KANSL1: variants seen among roughly 807,000 people sequenced by gnomAD.
The protein encoded by KANSL1 is KAT8 regulatory NSL complex subunit 1.
KANSL1 carries 22 observed loss-of-function variants against 103.6 expected under a neutral mutation model. The observed-to-expected ratio is 0.21, with a 90% CI of 0.15 to 0.30. The LOEUF (loss-of-function observed/expected upper bound fraction) is 0.30. KANSL1 is among the 10% of genes least tolerant of loss of function. The pLI is 1.00. For synonymous variants in KANSL1, 600 were observed against 527.6 expected (o/e 1.14, Z -1.88); for missense variants, 1,337 against 1,399.8 (o/e 0.96, Z 0.72).
chr17:46,052,963 C>CAA lies in KANSL1; in HGVS notation c.1849-2260_1849-2259insTT, dbSNP rs2077769956. Among the ~76,000 whole-genome samples, 13 of 43,162 alleles carry CAA rather than the reference C, an allele frequency of 3.0e-4. 2 individuals carry two copies. The highest frequency in any genetic ancestry group is 1.2e-3 in the African/African-American group (12 of 9,826). The allele number at this position is 43,162 out of a possible 152,430, so 28.3% of individuals were successfully genotyped here. The stretch of plus-strand genomic sequence containing the variant: ...TGGGAAAAAGAGTAAGATCCTGTCT[C>CAA]CAAAAAAAAAAAAAAAAAAAAAAAA... On this transcript the variant is annotated intron_variant, in intron 6 of 14. Coordinates refer to ENST00000432791, the MANE Select transcript of KANSL1 (RefSeq NM_015443.4).
intron 2 of KANSL1, among the ~76,000 whole-genome samples, chr17:46,124,257 A>G (rs1443154512): frequency 6.6e-6 from 1 of 152,234 alleles, no homozygotes; most frequent in Middle Eastern, 3.2e-3. Context: ...AAAACAAATT[A>G]TGCTACATTT....
intron 1 of KANSL1, among the ~76,000 whole-genome samples, chr17:46,181,493 G>A (rs1232197961): frequency 6.6e-6 from 1 of 151,826 alleles, no homozygotes; most frequent in African/African-American, 2.4e-5. Context: ...GCGATGGCGC[G>A]ATCTCCGCTC....
chr17:46,148,810 G>A (rs1217733750), intron 2 of KANSL1, among the ~76,000 whole-genome samples: 2 of 150,358 alleles, frequency 1.3e-5, no homozygotes, highest in African/African-American at 2.4e-5. Flanking sequence ...GGTCTGGAAC[G>A]CCTGATCTCA....
intron 1 of KANSL1, among the ~76,000 whole-genome samples, chr17:46,180,884 T>C (rs1253326359): frequency 6.6e-6 from 1 of 152,170 alleles, no homozygotes; most frequent in African/African-American, 2.4e-5. Context: ...TATATATGTA[T>C]ATGTATATAT....
At chr17:46,216,088 T>C (rs1247221819) in intron 1 of KANSL1, among the ~76,000 whole-genome samples, 4 of 151,976 alleles carry the variant, frequency 2.6e-5, no homozygotes, top group Non-Finnish European at 5.9e-5. Context: ...CCATAGGACA[T>C]CCAAGTAGAG....
At chr17:46,075,077 A>C (rs1033053194) in intron 4 of KANSL1, among the ~76,000 whole-genome samples, 5 of 152,218 alleles carry the variant, frequency 3.3e-5, no homozygotes, top group Non-Finnish European at 2.9e-5. Flanking sequence ...GAAATACAAA[A>C]ACTGAGAACT....
intron 2 of KANSL1, among the ~76,000 whole-genome samples, chr17:46,167,159 T>C (rs1014049976): frequency 3.3e-5 from 5 of 150,536 alleles, no homozygotes; most frequent in African/African-American, 9.8e-5. Flanking sequence ...GGAAAAAAAA[T>C]ATTATTTTAA....
chr17:46,174,621 G>C (rs994016822), intron 1 of KANSL1, among the ~76,000 whole-genome samples: 2 of 152,244 alleles, frequency 1.3e-5, no homozygotes, highest in Non-Finnish European at 2.9e-5. Context: ...AATGTCCAGT[G>C]AATGTCAGGA....
At chr17:46,128,863 A>G (rs1392516225) in intron 2 of KANSL1, among the ~76,000 whole-genome samples, 1 of 152,180 alleles carries the variant, frequency 6.6e-6, no homozygotes, top group South Asian at 2.1e-4. Flanking sequence ...GCCTTTGAAG[A>G]ACTTTGAGGA....
intron 1 of KANSL1, among the ~76,000 whole-genome samples, chr17:46,188,041 T>C (rs2047112361): frequency 6.6e-6 from 1 of 152,256 alleles, no homozygotes; most frequent in Non-Finnish European, 1.5e-5. Context: ...TATTTTCTCC[T>C]ATGTATTTTG....
chr17:46,054,442 A>G (rs896490501), intron 6 of KANSL1, among the ~76,000 whole-genome samples: 2 of 152,160 alleles, frequency 1.3e-5, no homozygotes, highest in Admixed American at 1.3e-4. Flanking sequence ...CTTTTCTCAA[A>G]TGGGTTTCTT....
chr17:46,035,789 C>T (rs2077128530), intron 10 of KANSL1: 1 of 152,112 alleles, frequency 6.6e-6, no homozygotes, highest in South Asian at 2.1e-4. Context: ...TTCCCTGAAA[C>T]TTCTTGGGCT....
At chr17:46,088,268 T>C (rs1205003230) in intron 3 of KANSL1, among the ~76,000 whole-genome samples, 1 of 152,204 alleles carries the variant, frequency 6.6e-6, no homozygotes, top group African/African-American at 2.4e-5. Context: ...CAATTTCACA[T>C]ACTTCCTTAC....
intron 2 of KANSL1, among the ~76,000 whole-genome samples, chr17:46,135,230 T>A (rs2044068179): frequency 6.6e-6 from 1 of 151,298 alleles, no homozygotes; most frequent in African/African-American, 2.4e-5. Flanking sequence ...TTGTACAGAA[T>A]TGGCTTCAAA....
At chr17:46,070,812 C>T (rs1483132798) in intron 4 of KANSL1, among the ~76,000 whole-genome samples, 2 of 152,012 alleles carry the variant, frequency 1.3e-5, no homozygotes, top group African/African-American at 4.8e-5. Context: ...GTAGTGCCTT[C>T]ACGTGTTCTA....
chr17:46,165,560 G>A (rs1043512148), intron 2 of KANSL1, among the ~76,000 whole-genome samples: 9 of 150,622 alleles, frequency 6.0e-5, no homozygotes, highest in South Asian at 2.1e-4. Flanking sequence ...ACCCAGGATG[G>A]AGTGCAGAGC....
chr17:46,213,718 G>A (rs1370867193), intron 1 of KANSL1, among the ~76,000 whole-genome samples: 2 of 150,978 alleles, frequency 1.3e-5, no homozygotes, highest in South Asian at 2.1e-4. Context: ...AGGAGTTCAA[G>A]ACCAGCCTGG....
intron 2 of KANSL1, among the ~76,000 whole-genome samples, chr17:46,101,754 C>CAAAAAAA (rs372439614): frequency 5.1e-4 from 48 of 93,644 alleles, no homozygotes; most frequent in African/African-American, 1.0e-3. Flanking sequence ...ACTCTGTCTA[C>CAAAAAAA]AAAAAAAAAA....
At chr17:46,220,988 C>T (rs1189847758) in intron 1 of KANSL1, among the ~76,000 whole-genome samples, 6 of 144,176 alleles carry the variant, frequency 4.2e-5, no homozygotes, top group Admixed American at 2.9e-4. Flanking sequence ...ATGCCCAGCC[C>T]TAAAGATCTT....
Sources: allele counts gnomAD v4.1 joint callset (sites outside exome capture counted in the v4.1 genomes callset), GRCh38; gene constraint gnomAD v4.1.1; transcripts MANE v1.5; gene names NCBI Gene and HGNC (gene_info 2026-07-23, HGNC 2026-07-21).